SNURF: variants seen among roughly 807,000 people sequenced by gnomAD.
SNURF encodes the protein SNURF protein.
A neutral mutation model predicts 11.6 loss-of-function variants in SNURF; 6 were observed. The ratio of observed to expected loss-of-function variants is 0.52; its 90% CI spans 0.28 to 1.02. SNURF has a LOEUF of 1.02. Among genes scored for constraint, SNURF ranks in the 50% least tolerant of loss-of-function variants. The pLI, the probability that SNURF is intolerant of heterozygous loss-of-function variation, is 0.09. For synonymous variants in SNURF, 29 were observed against 31.6 expected (o/e 0.92, Z 0.27); for missense variants, 84 against 88.4 (o/e 0.95, Z 0.20).
At chr15:24,977,653 A>G in intron 6 of SNURF, 3 of 945,570 alleles carry the variant, frequency 3.2e-6, no homozygotes, top group Non-Finnish European at 1.5e-6. Flanking sequence ...AAACATGGGA[A>G]TAATGAGAGA....
rs914397067 is a variant in SNURF, at chr15:24,958,363, A to G, written c.14+3301A>G. Among the ~76,000 whole-genome samples the G allele has an allele frequency of 2.7e-5, 4 of 147,306 alleles. No individual in the cohort carries two copies. In the South Asian group the frequency reaches 8.5e-4, roughly 31 times the overall value. On this transcript the variant is annotated intron_variant, in intron 1 of 2. Transcript: ENST00000577949. ...CAATGAAGTTTTAAAAATCTTATTTAGACCTGTCACTGGTCCTGTCTCCTT... is the reference window on the plus strand; with the variant it reads ...CAATGAAGTTTTAAAAATCTTATTTGGACCTGTCACTGGTCCTGTCTCCTT...
intron 4 of SNURF, chr15:24,975,604 A>G: frequency 9.8e-7 from 1 of 1,016,910 alleles, no homozygotes; most frequent in South Asian, 1.4e-5. Flanking sequence ...TAACTGAAGT[A>G]GTTAGGGAAA....
At chr15:24,956,458 G>C in intron 1 of SNURF, among the ~76,000 whole-genome samples, 1 of 152,054 alleles carries the variant, frequency 6.6e-6, no homozygotes, top group East Asian at 1.9e-4. Flanking sequence ...CCCTCTTTAG[G>C]GTGCAGTGGT....
chr15:24,977,302 C>G (rs1324053393), intron 6 of SNURF, among the ~76,000 whole-genome samples: 1 of 152,040 alleles, frequency 6.6e-6, no homozygotes, highest in Non-Finnish European at 1.5e-5. Context: ...GTTGAAAAGA[C>G]CAAAGGGCTT....
chr15:24,976,840 ATTGT>A (rs2153704410), intron 5 of SNURF: 1 of 1,587,656 alleles, frequency 6.3e-7, no homozygotes, highest in East Asian at 2.2e-5. Flanking sequence ...GAACTTGTAA[ATTGT>A]TTGATTTTAG....
At chr15:24,955,149 G>A in intron 1 of SNURF, 87 bp downstream of exon 1, 2 of 1,572,230 alleles carry the variant, frequency 1.3e-6, no homozygotes, top group South Asian at 2.3e-5. Context: ...TTAGGACTTG[G>A]AGTACTGAAT....
At chr15:24,978,053 A>T (rs1167319041), downstream of SNURF, 4 of 1,188,432 alleles carry the variant, frequency 3.4e-6, no homozygotes, top group African/African-American at 6.1e-5. Context: ...AATGAAAGAC[A>T]TAGAAGAGTA....
intron 1 of SNURF, among the ~76,000 whole-genome samples, chr15:24,956,213 T>TC (rs1228033987): frequency 6.6e-6 from 1 of 152,176 alleles, no homozygotes; most frequent in East Asian, 1.9e-4. Flanking sequence ...TACTTTTTTT[T>TC]CATTGTTTCT....
At chr15:24,975,436 AT>A in exon 4 of SNURF, 1 of 1,613,474 alleles carries the variant, frequency 6.2e-7, no homozygotes, top group Non-Finnish European at 8.5e-7. Flanking sequence ...CCGAATCTTC[AT>A]TGGCACCTTT....
rs1453667643 is a variant in SNURF at position 24,975,241 on chromosome 15, A to G, written c.*46-117A>G. The G allele has an allele frequency of 9.3e-6, 7 of 754,036 alleles. No individual in the cohort carries two copies. In the Admixed American group the frequency reaches 1.2e-4, roughly 12 times the overall value. 46.7% of individuals were successfully genotyped at this position (754,036 alleles called of 1,614,324 possible). A position where few individuals can be genotyped will look rare whatever the true frequency, so the allele number is the denominator to read the frequency against. ...GAATGTTGGTGAAAAAGGAGAGAATATTTGTTTAGTTAAGGAAACCAGGCT... is the reference window on the plus strand; with the variant it reads ...GAATGTTGGTGAAAAAGGAGAGAATGTTTGTTTAGTTAAGGAAACCAGGCT... On this transcript the variant is annotated intron_variant and NMD_transcript_variant, in intron 3 of 6. Transcript: ENST00000580062.
chr15:24,968,659 A>G (rs546014271), downstream of SNURF: 3 of 152,800 alleles, frequency 2.0e-5, no homozygotes, highest in Non-Finnish European at 2.9e-5. Flanking sequence ...AGTGAATTAT[A>G]AATACACAGC....
At chr15:24,975,730 A>C (rs1393453457) in intron 4 of SNURF, among the ~76,000 whole-genome samples, 1 of 152,214 alleles carries the variant, frequency 6.6e-6, no homozygotes, top group Admixed American at 6.5e-5. Flanking sequence ...TACTGGGAGT[A>C]AAAGTATATG....
At chr15:24,975,452 C>G (rs1410187536) in exon 4 of SNURF, 1 of 1,613,532 alleles carries the variant, frequency 6.2e-7, no homozygotes, top group African/African-American at 1.3e-5. Flanking sequence ...ACCTTTAAGG[C>G]TTTTGACAAG....
downstream of SNURF, chr15:24,978,628 C>T (rs757571186): frequency 7.9e-6 from 5 of 632,978 alleles, no homozygotes; most frequent in Non-Finnish European, 1.4e-5. Flanking sequence ...TTGATGAGAT[C>T]TTAAGTTACT....
chr15:24,975,847 G>A (rs1211023272), intron 4 of SNURF, among the ~76,000 whole-genome samples: 1 of 152,150 alleles, frequency 6.6e-6, no homozygotes, highest in African/African-American at 2.4e-5. Flanking sequence ...TTGAAATGGA[G>A]AAGAACAGTT....
At chr15:24,955,026 T>A (rs879473463) in exon 1 of SNURF, 1 of 1,612,726 alleles carries the variant, frequency 6.2e-7, no homozygotes, top group Admixed American at 1.7e-5. Context: ...GACGCATCTG[T>A]CTGAGGAGCG....
intron 2 of SNURF, 26 bp from the exon 3 acceptor site, chr15:24,967,906 T>TTA: frequency 6.3e-7 from 1 of 1,583,166 alleles, no homozygotes; most frequent in Non-Finnish European, 8.7e-7. Flanking sequence ...TTTTTATCAT[T>TTA]TATATATATT....
chr15:24,968,838 A>G (rs994848759), downstream of SNURF: 2 of 152,180 alleles, frequency 1.3e-5, no homozygotes, highest in Non-Finnish European at 2.9e-5. Context: ...AATGTGATGT[A>G]GATTTATTTA....
chr15:24,955,747 A>AGGCGGCGACAGTGGGTATT, intron 1 of SNURF, among the ~76,000 whole-genome samples: 1 of 147,314 alleles, frequency 6.8e-6, no homozygotes, highest in Admixed American at 6.7e-5. Context: ...GGTAGGGGGA[A>AGGCGGCGACAGTGGGTATT]GGCGGCGACA....
Sources: gnomAD v4.1 joint callset for allele counts (sites outside exome capture counted in the v4.1 genomes callset) on GRCh38, gnomAD v4.1.1 for gene constraint, MANE v1.5 for transcripts, NCBI Gene and HGNC (gene_info 2026-07-23, HGNC 2026-07-21) for gene names.